The following RTL4 variants were observed in gnomAD, a reference collection of about 807,000 sequenced individuals.
RTL4 encodes the protein retrotransposon Gag like 4.
RTL4 carries 4 observed loss-of-function variants against 5.3 expected under a neutral mutation model. That is an observed-to-expected ratio of 0.75 (90% confidence interval 0.37 to 1.72). The LOEUF is 1.72. RTL4 is among the 40% of genes most tolerant of loss of function. The pLI is 0.04. For missense variants in RTL4, 260 were observed against 227.1 expected, an observed-to-expected ratio of 1.14 and a Z score of -0.93; for synonymous variants, 98 against 87.3, an observed-to-expected ratio of 1.12 and a Z score of -0.68.
chrX:112,444,007 A>AT, the RTL4 span, among the ~76,000 whole-genome samples: 1 of 111,402 alleles, frequency 9.0e-6, no homozygotes, highest in Non-Finnish European at 1.9e-5. Flanking sequence ...TACTCAATAA[A>AT]TTTTTGCCCA....
At chrX:112,302,783 C>T in the RTL4 span, among the ~76,000 whole-genome samples, 5 of 112,572 alleles carry the variant, frequency 4.4e-5, no homozygotes, top group South Asian at 1.8e-3. Context: ...AGGGGCCCCA[C>T]TCTTAAGTAG....
At chrX:112,351,625 CCTT>C in the RTL4 span, among the ~76,000 whole-genome samples, 2 of 108,254 alleles carry the variant, frequency 1.8e-5, no homozygotes, top group Admixed American at 9.9e-5. Flanking sequence ...TATGTAATGG[CCTT>C]CTTTGTCTCT....
the RTL4 span, among the ~76,000 whole-genome samples, chrX:112,190,981 TACTCTA>T: frequency 1.8e-5 from 2 of 112,236 alleles, no homozygotes. Flanking sequence ...CCTTTCCCTA[TACTCTA>T]AGAATGGACT....
the RTL4 span, among the ~76,000 whole-genome samples, chrX:112,218,667 C>G: frequency 9.0e-6 from 1 of 111,505 alleles, no homozygotes; most frequent in African/African-American, 3.3e-5. Context: ...TAGTTCTTGC[C>G]TCTGATTGTG....
chrX:112,197,036 TATA>T, the RTL4 span, among the ~76,000 whole-genome samples: 1 of 108,707 alleles, frequency 9.2e-6, no homozygotes, highest in Non-Finnish European at 1.9e-5. Context: ...TATAACTATT[TATA>T]TGTTTGTATG....
At chrX:112,191,340 C>T in the RTL4 span, among the ~76,000 whole-genome samples, 1 of 111,374 alleles carries the variant, frequency 9.0e-6, no homozygotes, top group Non-Finnish European at 1.9e-5. Flanking sequence ...TTGGAAATGG[C>T]ATATCTAGAG....
At chrX:112,174,602 T>C in the RTL4 span, among the ~76,000 whole-genome samples, 1 of 89,149 alleles carries the variant, frequency 1.1e-5, no homozygotes, top group Non-Finnish European at 2.2e-5. Flanking sequence ...TACCCAGTAA[T>C]GGGATGGCTG....
chrX:112,324,753 C>CT, the RTL4 span, among the ~76,000 whole-genome samples: 2 of 111,203 alleles, frequency 1.8e-5, no homozygotes, highest in South Asian at 7.5e-4. Flanking sequence ...ATTTATTGAG[C>CT]TTTTTTGTAA....
the RTL4 span, among the ~76,000 whole-genome samples, chrX:112,317,671 T>C: frequency 8.9e-6 from 1 of 111,945 alleles, no homozygotes; most frequent in African/African-American, 3.2e-5. Flanking sequence ...ATTACATATG[T>C]GTCAGACATG....
the RTL4 span, among the ~76,000 whole-genome samples, chrX:112,298,110 G>A: frequency 8.8e-3 from 979 of 111,351 alleles, 11 homozygotes; most frequent in African/African-American, 0.03. Context: ...ATTTACTTTC[G>A]GTTCGACTTT....
chrX:112,133,540 A>G, the RTL4 span, among the ~76,000 whole-genome samples: 2 of 111,529 alleles, frequency 1.8e-5, no homozygotes, highest in East Asian at 5.6e-4. Flanking sequence ...CATGAAGCAC[A>G]TCCATGCAGT....
chrX:112,224,972 C>T, the RTL4 span, among the ~76,000 whole-genome samples: 1 of 112,054 alleles, frequency 8.9e-6, no homozygotes, highest in Admixed American at 9.5e-5. Flanking sequence ...AGGTACTGTT[C>T]TAAATAGTTC....
chrX:112,435,493 T>C, the RTL4 span, among the ~76,000 whole-genome samples: 1 of 112,206 alleles, frequency 8.9e-6, no homozygotes, highest in African/African-American at 3.2e-5. Context: ...TTGTTTTCAT[T>C]GTAGGAAAAT....
the RTL4 span, among the ~76,000 whole-genome samples, chrX:112,222,894 G>A: frequency 8.9e-6 from 1 of 112,527 alleles, no homozygotes; most frequent in Non-Finnish European, 1.9e-5. Flanking sequence ...TGAGGGAAGG[G>A]AAATCATTAC....
At chrX:112,314,666 T>C in the RTL4 span, among the ~76,000 whole-genome samples, 1 of 110,203 alleles carries the variant, frequency 9.1e-6, no homozygotes, top group African/African-American at 3.3e-5. Context: ...TGATGTCACA[T>C]CTCTCTCATT....
chrX:112,276,977 T>C, the RTL4 span, among the ~76,000 whole-genome samples: 56 of 112,253 alleles, frequency 5.0e-4, no homozygotes, highest in African/African-American at 1.7e-3. Context: ...TTTGTCAAAG[T>C]CAATGGTTTG....
the RTL4 span, among the ~76,000 whole-genome samples, chrX:112,114,766 T>A: frequency 9.0e-6 from 1 of 111,276 alleles, no homozygotes; most frequent in East Asian, 2.8e-4. Context: ...TGGGAGTAAG[T>A]TGAGAGGTCC....
At chrX:112,309,904 G>C in the RTL4 span, among the ~76,000 whole-genome samples, 1 of 103,082 alleles carries the variant, frequency 9.7e-6, no homozygotes, top group Non-Finnish European at 2.0e-5. Context: ...ACATATATGT[G>C]TGTGTGTATA....
At chrX:112,344,168 G>A in the RTL4 span, among the ~76,000 whole-genome samples, 5 of 111,444 alleles carry the variant, frequency 4.5e-5, no homozygotes, top group Non-Finnish European at 7.5e-5. Context: ...GCTTTTCTTC[G>A]TAAAGCCATG....
Sources: allele counts gnomAD v4.1 joint callset (sites outside exome capture counted in the v4.1 genomes callset), GRCh38; gene constraint gnomAD v4.1.1; transcripts MANE v1.5; gene names NCBI Gene and HGNC (gene_info 2026-07-23, HGNC 2026-07-21).